The following XYLT1 variants were observed in gnomAD, a reference collection of about 807,000 sequenced individuals.
XYLT1 encodes xylosyltransferase 1.
XYLT1 carries 36 observed loss-of-function variants against 91.3 expected under a neutral mutation model. The ratio of observed to expected loss-of-function variants is 0.39; its 90% CI spans 0.30 to 0.52. The LOEUF (loss-of-function observed/expected upper bound fraction) is 0.52, where lower values mean the gene tolerates loss of function less well. XYLT1 is among the 20% of genes least tolerant of loss of function. The probability of loss-of-function intolerance (pLI) is 0.68; values close to 1 mark genes in which losing one functional copy is unlikely to be tolerated. For synonymous variants in XYLT1, 588 were observed against 532.0 expected (o/e 1.11, Z -1.45); for missense variants, 1,242 against 1,284.5 (o/e 0.97, Z 0.51).
intron 4 of XYLT1, among the ~76,000 whole-genome samples, chr16:17,200,222 A>AG (rs2032512243): frequency 6.6e-6 from 1 of 151,552 alleles, no homozygotes; most frequent in African/African-American, 2.4e-5. Flanking sequence ...TCCATCAAAA[A>AG]AAAAAGAAAA....
At chr16:17,327,361 C>CTTTTTTT (rs138879762) in intron 2 of XYLT1, among the ~76,000 whole-genome samples, 52 of 108,030 alleles carry the variant, frequency 4.8e-4, no homozygotes, top group Non-Finnish European at 6.9e-4. Context: ...TTTCTTTTTT[C>CTTTTTTT]TTTTTTTTTT....
chr16:17,426,120 G>C (rs1380689875), intron 1 of XYLT1, among the ~76,000 whole-genome samples: 3 of 152,182 alleles, frequency 2.0e-5, no homozygotes, highest in Admixed American at 2.0e-4. Flanking sequence ...AAGTGCTAGG[G>C]ACTGAGGATA....
At position 17,106,396 on chromosome 16, in the gene XYLT1, C is replaced by T. The variant is rs1227818728; in HGVS notation, c.*2299G>A. 1 of 152,172 alleles carries T rather than the reference C, an allele frequency of 6.6e-6. No homozygotes were observed. The highest frequency in any genetic ancestry group is 1.5e-5 in the Non-Finnish European group (1 of 68,074). The allele number at this position is 152,172 out of a possible 1,614,324, so 9.4% of individuals were successfully genotyped here. A position where few individuals can be genotyped will look rare whatever the true frequency, so the allele number is the denominator to read the frequency against. On this transcript the variant is annotated 3_prime_UTR_variant, in exon 12 of 12. Coordinates refer to ENST00000261381, the MANE Select transcript of XYLT1 (RefSeq NM_022166.4). ...GATGTGGCACCCAGCGCGTGGCCAC[C>T]ATAGAGTCTGTAAAAGAGATCATAG...
At chr16:17,192,717 A>T (rs2032343016) in intron 5 of XYLT1, 1 of 152,106 alleles carries the variant, frequency 6.6e-6, no homozygotes, top group Non-Finnish European at 1.5e-5. Context: ...TGCGTATGCC[A>T]AGTTCAGGAA....
intron 6 of XYLT1, among the ~76,000 whole-genome samples, chr16:17,149,229 C>T (rs2031221720): frequency 6.6e-6 from 1 of 152,210 alleles, no homozygotes; most frequent in Admixed American, 6.5e-5. Flanking sequence ...AATTCACTGG[C>T]TACAATCTTG....
chr16:17,381,392 GA>G (rs932204353), intron 1 of XYLT1, among the ~76,000 whole-genome samples: 30 of 136,352 alleles, frequency 2.2e-4, no homozygotes, highest in African/African-American at 6.7e-4. Flanking sequence ...AAACAAAAAA[GA>G]AAAAAAAGAA....
intron 2 of XYLT1, among the ~76,000 whole-genome samples, chr16:17,328,820 G>C (rs894881178): frequency 6.6e-6 from 1 of 152,108 alleles, no homozygotes; most frequent in Non-Finnish European, 1.5e-5. Context: ...TGAGAAGGCA[G>C]GAAAATAAAT....
At chr16:17,413,385 C>T (rs909256987) in intron 1 of XYLT1, among the ~76,000 whole-genome samples, 20 of 151,952 alleles carry the variant, frequency 1.3e-4, no homozygotes, top group Non-Finnish European at 1.9e-4. Context: ...GTCTATTTGC[C>T]ATCCATTCAT....
At chr16:17,134,170 TGCTACATATGATATG>T (rs767276442) in intron 9 of XYLT1, among the ~76,000 whole-genome samples, 2 of 152,206 alleles carry the variant, frequency 1.3e-5, no homozygotes, top group African/African-American at 2.4e-5. Context: ...TTAAGACAAA[TGCTACATATGATATG>T]GTGACAAAAA....
In XYLT1 at chr16:17,158,866, T is replaced by C. The variant is rs899766209; in HGVS notation, c.1333A>G (p.Met445Val). The change falls in exon 6 of 12, where the codon ATG becomes GTG. Residue 445 changes from methionine (M) to valine (V), a missense_variant. By Grantham distance (21) the Met-to-Val change is conservative. Transcript: ENST00000261381. ...LVAFLSRYRDMNFLKSHGRDN... is the reference protein window; with the variant it reads ...LVAFLSRYRDVNFLKSHGRDN... ...CGGCCGTGTGACTTCAAGAAATTCA[T>C]ATCTCGGTATCGGGAGAGAAACGCC... The C allele has an allele frequency of 3.1e-6, 5 of 1,614,048 alleles. No homozygotes were observed. In the African/African-American group the frequency reaches 4.0e-5, roughly 13 times the overall value.
At position 17,417,678 on chromosome 16, in the gene XYLT1, C is replaced by A. The variant is rs147225536; in HGVS notation, c.363+52756G>T. On this transcript the variant is annotated intron_variant, in intron 1 of 11. Coordinates refer to ENST00000261381, the MANE Select transcript of XYLT1 (RefSeq NM_022166.4). ...GTCAGATTCAAGATGGCTTCAAATT[C>A]TTTGACATGCCTTTATCGAAAGGTA... Among the ~76,000 whole-genome samples the A allele has an allele frequency of 4.6e-5, 7 of 152,318 alleles. No homozygotes were observed. The East Asian group carries it at 1.3e-3, about 29-fold the overall frequency.
At chr16:17,186,325 ACTC>A (rs1010747941) in intron 5 of XYLT1, among the ~76,000 whole-genome samples, 5 of 151,724 alleles carry the variant, frequency 3.3e-5, no homozygotes, top group African/African-American at 1.2e-4. Flanking sequence ...CTGGTCTCAA[ACTC>A]CTCACCTCAG....
At chr16:17,379,515 G>A (rs1177305816) in intron 1 of XYLT1, among the ~76,000 whole-genome samples, 2 of 152,174 alleles carry the variant, frequency 1.3e-5, no homozygotes, top group African/African-American at 4.8e-5. Context: ...ATGCGGGAGA[G>A]AAATTAGACA....
chr16:17,302,148 T>C (rs945628595), intron 2 of XYLT1, among the ~76,000 whole-genome samples: 2 of 152,066 alleles, frequency 1.3e-5, no homozygotes, highest in African/African-American at 4.8e-5. Context: ...GATGTTGCAG[T>C]GAGCCAAGAT....
chr16:17,312,376 T>C lies in XYLT1; in HGVS notation c.402+45636A>G, dbSNP rs193168518. Among the ~76,000 whole-genome samples the C allele has an allele frequency of 6.6e-6, 1 of 152,150 alleles. No homozygotes were observed. Among genetic ancestry groups the C allele is most frequent in the Admixed American group, 6.5e-5 (1 of 15,280 alleles). ...CAATGAAACATCCCTGAAATCCTCATGATCATCAGGGCTGGCATTCCTGTA... is the reference window on the plus strand; with the variant it reads ...CAATGAAACATCCCTGAAATCCTCACGATCATCAGGGCTGGCATTCCTGTA... On this transcript the variant is annotated intron_variant, in intron 2 of 11. Coordinates refer to ENST00000261381, the MANE Select transcript of XYLT1 (RefSeq NM_022166.4). This position sits in a 1 kb window ranked among gnomAD's most constrained non-coding sequence, Gnocchi z 4.4.
At chr16:17,267,550 G>A (rs2033824884) in intron 2 of XYLT1, among the ~76,000 whole-genome samples, 1 of 152,200 alleles carries the variant, frequency 6.6e-6, no homozygotes, top group Non-Finnish European at 1.5e-5. Context: ...GGGACTACAG[G>A]CGCCCGCCAC....
intron 2 of XYLT1, among the ~76,000 whole-genome samples, chr16:17,352,659 T>G (rs2035238384): frequency 6.6e-6 from 1 of 152,184 alleles, no homozygotes; most frequent in South Asian, 2.1e-4. Flanking sequence ...TCTCTCCAGC[T>G]CAGATTCCCC....
Position 17,379,793 on chromosome 16 carries a change from A to ACACACACACACC in XYLT1, c.364-21744_364-21743insGGTGTGTGTGTG, listed in dbSNP as rs71373108. On this transcript the variant is annotated intron_variant, in intron 1 of 11. Coordinates refer to ENST00000261381, the MANE Select transcript of XYLT1 (RefSeq NM_022166.4). ...CACACACACACACACACACACACAC[A>ACACACACACACC]CCCCTTACCTCCAGAGAGCCAGACA... Among the ~76,000 whole-genome samples, 607 of 142,204 alleles carry ACACACACACACC rather than the reference A, an allele frequency of 4.3e-3. 4 individuals carry two copies. Among genetic ancestry groups the ACACACACACACC allele is most frequent in the African/African-American group, 9.2e-3 (356 of 38,598 alleles). 93.3% of individuals were successfully genotyped at this position (142,204 alleles called of 152,430 possible).
In XYLT1 at chr16:17,127,648, C is replaced by T; in HGVS notation, c.2223+18G>A. 1 of 1,607,636 alleles carries T rather than the reference C, an allele frequency of 6.2e-7. No homozygotes were observed. The highest frequency in any genetic ancestry group is 8.5e-7 in the Non-Finnish European group (1 of 1,177,196). ...AAATGCAAAATACAATGAAATGTGA[C>T]AAGACCTGGCCTCTTACCTCGGAAA... On this transcript the variant is annotated intron_variant, in intron 10 of 11. Coordinates refer to ENST00000261381, the MANE Select transcript of XYLT1 (RefSeq NM_022166.4).
Sources: gnomAD v4.1 joint callset for allele counts (sites outside exome capture counted in the v4.1 genomes callset) on GRCh38, gnomAD v4.1.1 for gene constraint, Gnocchi (gnomAD v3.1) non-coding constraint, MANE v1.5 for transcripts, NCBI Gene and HGNC (gene_info 2026-07-23, HGNC 2026-07-21) for gene names.